Variants in RBFOX1 observed in about 807,000 individuals in gnomAD.
The protein encoded by RBFOX1 is RNA binding protein fox-1 homolog 1.
A neutral mutation model predicts 57.7 loss-of-function variants in RBFOX1; 8 were observed. The observed-to-expected ratio is 0.14, with a 90% CI of 0.08 to 0.25. RBFOX1 has a LOEUF of 0.25. Ranked by LOEUF, RBFOX1 falls within the 10% of genes least tolerant of loss-of-function variation. The probability of loss-of-function intolerance (pLI) is 1.00; values close to 1 mark genes in which losing one functional copy is unlikely to be tolerated. For synonymous variants in RBFOX1, 326 were observed against 222.4 expected, an observed-to-expected ratio of 1.47 and a Z score of -4.15; for missense variants, 611 against 548.5, an observed-to-expected ratio of 1.11 and a Z score of -1.14.
At chr16:6,768,674 A>C (rs1013665849) in intron 3 of RBFOX1, among the ~76,000 whole-genome samples, 1 of 149,532 alleles carries the variant, frequency 6.7e-6, no homozygotes, top group East Asian at 2.0e-4. Context: ...ACAGGCATAT[A>C]TATGTAAAAT....
intron 2 of RBFOX1, among the ~76,000 whole-genome samples, chr16:6,653,526 T>A (rs1468666890): frequency 6.6e-6 from 1 of 152,204 alleles, no homozygotes; most frequent in Admixed American, 6.5e-5. Flanking sequence ...GAATTATGTT[T>A]GTTTCACCTT....
chr16:7,154,810 G>C (rs1185457069), intron 4 of RBFOX1, among the ~76,000 whole-genome samples: 1 of 151,776 alleles, frequency 6.6e-6, no homozygotes, highest in Non-Finnish European at 1.5e-5. Context: ...AATGCTTTAT[G>C]AGTATTATTT....
chr16:7,676,765 G>C lies in RBFOX1; in HGVS notation c.931-9G>C, dbSNP rs200198767. 15 of 1,610,664 alleles carry C rather than the reference G, an allele frequency of 9.3e-6. No homozygotes were observed. The highest frequency in any genetic ancestry group is 6.7e-5 in the Admixed American group (4 of 59,982). On this transcript the variant is annotated splice_polypyrimidine_tract_variant and intron_variant, in intron 13 of 15. Coordinates refer to ENST00000550418, the MANE Select transcript of RBFOX1 (RefSeq NM_018723.4). ...ACATTCCTGAGTCACATTTCTCCTT[G>C]TGTTTTAGGGTGGTTATGCTGCATA...
intron 1 of RBFOX1, among the ~76,000 whole-genome samples, chr16:5,327,740 TGA>T (rs2064624349): frequency 1.3e-5 from 2 of 152,184 alleles, no homozygotes; most frequent in Admixed American, 6.5e-5. Flanking sequence ...CTTTGCAAAA[TGA>T]GAGTCTCTTA....
intron 4 of RBFOX1, chr16:7,304,418 T>A: frequency 1.0e-6 from 1 of 985,330 alleles, no homozygotes; most frequent in Non-Finnish European, 1.2e-6. Flanking sequence ...GCCACCTGCG[T>A]GGCGCTCCCC....
chr16:6,888,595 G>T (rs1332849728), intron 3 of RBFOX1, among the ~76,000 whole-genome samples: 4 of 152,036 alleles, frequency 2.6e-5, no homozygotes, highest in Non-Finnish European at 5.9e-5. Context: ...AGGGTTAGAA[G>T]TGCATTTTAG....
intron 1 of RBFOX1, among the ~76,000 whole-genome samples, chr16:5,391,949 G>C (rs911065531): frequency 1.3e-5 from 2 of 151,588 alleles, no homozygotes; most frequent in Non-Finnish European, 2.9e-5. Flanking sequence ...ATACTACTCA[G>C]CCATAAAAAG....
intron 1 of RBFOX1, among the ~76,000 whole-genome samples, chr16:5,246,083 A>G (rs1240518508): frequency 6.6e-6 from 1 of 152,118 alleles, no homozygotes; most frequent in Non-Finnish European, 1.5e-5. Flanking sequence ...CTCTACTAAA[A>G]ATACAAAAAT....
At chr16:5,481,805 G>A (rs894090646) in intron 2 of RBFOX1, among the ~76,000 whole-genome samples, 2 of 152,174 alleles carry the variant, frequency 1.3e-5, no homozygotes, top group Admixed American at 6.5e-5. Context: ...TCTCTCTGTG[G>A]CTTGTAGATG....
intron 4 of RBFOX1, among the ~76,000 whole-genome samples, chr16:7,155,820 A>C (rs1019577573): frequency 2.0e-5 from 3 of 150,034 alleles, no homozygotes; most frequent in Admixed American, 1.3e-4. Flanking sequence ...TGTATATGTA[A>C]ATGTGCTCTA....
At chr16:7,473,822 T>C (rs143893039) in intron 4 of RBFOX1, among the ~76,000 whole-genome samples, 153 of 152,300 alleles carry the variant, frequency 1.0e-3, no homozygotes, top group African/African-American at 3.7e-3. Context: ...GCTTTCTTCA[T>C]AGACAATTCT....
intron 4 of RBFOX1, among the ~76,000 whole-genome samples, chr16:7,446,557 C>T (rs1231197921): frequency 6.6e-6 from 1 of 152,138 alleles, no homozygotes. Context: ...CTACCATACA[C>T]TAAGCAGTGA....
intron 1 of RBFOX1, among the ~76,000 whole-genome samples, chr16:6,313,708 G>T (rs537875404): frequency 1.3e-5 from 2 of 152,058 alleles, no homozygotes; most frequent in East Asian, 1.9e-4. Flanking sequence ...TAGCTTCTGT[G>T]TAATCTTGGT....
chr16:5,664,678 G>A (rs2049773889), intron 3 of RBFOX1, among the ~76,000 whole-genome samples: 3 of 152,186 alleles, frequency 2.0e-5, no homozygotes, highest in Admixed American at 1.3e-4. Context: ...CCTAGTAAAT[G>A]TGCTTTGAGT....
intron 3 of RBFOX1, among the ~76,000 whole-genome samples, chr16:7,007,989 A>G (rs937473883): frequency 9.2e-5 from 14 of 152,172 alleles, no homozygotes; most frequent in Non-Finnish European, 1.9e-4. Context: ...TGGTAGCAAA[A>G]TAAAACCAGT....
chr16:6,693,041 A>G (rs1336918315), intron 3 of RBFOX1, among the ~76,000 whole-genome samples: 2 of 151,718 alleles, frequency 1.3e-5, no homozygotes, highest in Non-Finnish European at 2.9e-5. Flanking sequence ...CCCATCCACT[A>G]CCATCACCAC....
intron 10 of RBFOX1, among the ~76,000 whole-genome samples, chr16:7,609,117 G>C (rs1287931332): frequency 6.6e-6 from 1 of 152,188 alleles, no homozygotes; most frequent in African/African-American, 2.4e-5. Context: ...GTCCGCAGCA[G>C]GCACTGCCCA....
chr16:5,760,348 T>C (rs3910449), intron 3 of RBFOX1, among the ~76,000 whole-genome samples: 82,898 of 151,822 alleles, frequency 0.55, 25,835 homozygotes, highest in African/African-American at 0.86. Context: ...TAAAGATAAG[T>C]ACTCAGCAAT....
intron 4 of RBFOX1, among the ~76,000 whole-genome samples, chr16:7,494,622 T>G (rs1004445943): frequency 6.6e-6 from 1 of 152,176 alleles, no homozygotes; most frequent in Non-Finnish European, 1.5e-5. Flanking sequence ...ATGAAGGGTA[T>G]GCAGTTTTTA....
Sources: allele counts gnomAD v4.1 joint callset (sites outside exome capture counted in the v4.1 genomes callset), GRCh38; gene constraint gnomAD v4.1.1; transcripts MANE v1.5; gene names NCBI Gene and HGNC (gene_info 2026-07-23, HGNC 2026-07-21).